Variants in COX7B2 observed in about 807,000 individuals in gnomAD.
COX7B2 encodes cytochrome c oxidase subunit 7B2.
For missense variants in COX7B2, 109 were observed against 95.9 expected, an observed-to-expected ratio of 1.14 and a Z score of -0.57; for synonymous variants, 37 against 32.1, an observed-to-expected ratio of 1.15 and a Z score of -0.51.
chr4:46,839,167 G>GCT lies in COX7B2; in HGVS notation c.-50+5791_-50+5792dup, dbSNP rs1242787797. Among the ~76,000 whole-genome samples the GCT allele has an allele frequency of 4.5e-3, 677 of 151,994 alleles. 6 individuals carry two copies. Among genetic ancestry groups the GCT allele is most frequent in the African/African-American group, 0.016 (656 of 41,492 alleles). On this transcript the variant is annotated intron_variant, in intron 2 of 2. Coordinates refer to ENST00000355591, the MANE Select transcript of COX7B2 (RefSeq NM_130902.3). ...CCAGAGTAGAGCAGCCTATTTTTGTGCTCTCTTGAGGAGACTTGTTCCCTA... is the reference window on the plus strand; with the variant it reads ...CCAGAGTAGAGCAGCCTATTTTTGTGCTCTCTCTTGAGGAGACTTGTTCCCTA...
intron 2 of COX7B2, among the ~76,000 whole-genome samples, chr4:46,813,114 G>A (rs1468498253): frequency 6.6e-6 from 1 of 152,180 alleles, no homozygotes; most frequent in Non-Finnish European, 1.5e-5. Flanking sequence ...CAACTGGGAT[G>A]GGGATAAAAG....
At chr4:46,868,491 T>TTTGA (rs1291411552) in intron 1 of COX7B2, among the ~76,000 whole-genome samples, 1 of 152,172 alleles carries the variant, frequency 6.6e-6, no homozygotes, top group African/African-American at 2.4e-5. Flanking sequence ...TATCTAACTT[T>TTTGA]TTGATGTGGG....
intron 2 of COX7B2, among the ~76,000 whole-genome samples, chr4:46,748,514 A>T (rs1209598259): frequency 6.6e-6 from 1 of 152,144 alleles, no homozygotes; most frequent in East Asian, 1.9e-4. Flanking sequence ...ACTATTCAAA[A>T]AACCTTGGCC....
intron 1 of COX7B2, among the ~76,000 whole-genome samples, chr4:46,881,600 TA>T (rs202144834): frequency 3.1e-3 from 452 of 145,714 alleles, no homozygotes; most frequent in African/African-American, 9.3e-3. Flanking sequence ...TCATCTCTAA[TA>T]AAAAAAAAAA....
intron 2 of COX7B2, among the ~76,000 whole-genome samples, chr4:46,836,808 T>C (rs1272820975): frequency 6.6e-6 from 1 of 152,090 alleles, no homozygotes. Flanking sequence ...TTATGACTGT[T>C]ACAATGTCAC....
At chr4:46,774,522 CTATCTTATCTATA>C (rs1717049819) in intron 2 of COX7B2, among the ~76,000 whole-genome samples, 1 of 152,050 alleles carries the variant, frequency 6.6e-6, no homozygotes, top group African/African-American at 2.4e-5. Context: ...AAAGTGATAT[CTATCTTATCTATA>C]TATCATTGGT....
At chr4:46,755,586 A>G (rs894285206) in intron 2 of COX7B2, among the ~76,000 whole-genome samples, 1 of 152,076 alleles carries the variant, frequency 6.6e-6, no homozygotes, top group Non-Finnish European at 1.5e-5. Flanking sequence ...CCACCAAAAA[A>G]TTCTCAGATT....
At chr4:46,841,775 T>C (rs1049913827) in intron 2 of COX7B2, among the ~76,000 whole-genome samples, 2 of 151,972 alleles carry the variant, frequency 1.3e-5, no homozygotes, top group Non-Finnish European at 2.9e-5. Flanking sequence ...ATGAGCTACT[T>C]AGTAGCCTTC....
chr4:46,857,033 C>T (rs1298369441), intron 1 of COX7B2, among the ~76,000 whole-genome samples: 1 of 152,130 alleles, frequency 6.6e-6, no homozygotes, highest in African/African-American at 2.4e-5. Flanking sequence ...AAACTAAAAA[C>T]TTTGCCATTA....
intron 1 of COX7B2, among the ~76,000 whole-genome samples, chr4:46,873,055 G>A (rs1718099792): frequency 7.1e-6 from 1 of 141,378 alleles, no homozygotes; most frequent in East Asian, 2.1e-4. Context: ...TCCCACTTAT[G>A]AGTGAGAACA....
intron 2 of COX7B2, among the ~76,000 whole-genome samples, chr4:46,780,001 T>C (rs891141809): frequency 3.9e-5 from 6 of 152,228 alleles, no homozygotes; most frequent in African/African-American, 1.2e-4. Context: ...ACATGTTAAT[T>C]TGTGTGACTG....
At chr4:46,736,823 G>C (rs542346299) in intron 2 of COX7B2, among the ~76,000 whole-genome samples, 11 of 151,986 alleles carry the variant, frequency 7.2e-5, no homozygotes, top group Non-Finnish European at 1.3e-4. Context: ...ATATTCCACT[G>C]TCTGGATGCA....
At chr4:46,860,870 T>C (rs560832151) in intron 1 of COX7B2, among the ~76,000 whole-genome samples, 1 of 152,250 alleles carries the variant, frequency 6.6e-6, no homozygotes, top group Admixed American at 6.5e-5. Context: ...AGAGTCACAT[T>C]GTTCTTTGGC....
chr4:46,897,984 ACT>A (rs879830872), intron 1 of COX7B2, among the ~76,000 whole-genome samples: 4 of 151,400 alleles, frequency 2.6e-5, no homozygotes, highest in Non-Finnish European at 5.9e-5. Flanking sequence ...TCTCCTTCTA[ACT>A]CTCTATGGGC....
At position 46,754,697 on chromosome 4, in the gene COX7B2, CGTGTGTGT is replaced by C. The variant is rs367614632; in HGVS notation, c.-49-19464_-49-19457del. 2.7e-4 allele frequency among the ~76,000 whole-genome samples: 20 copies of C among 73,826 alleles called. 1 individual carries two copies. The South Asian group carries it at 6.4e-3, about 23-fold the overall frequency. 48.4% of individuals were successfully genotyped at this position (73,826 alleles called of 152,430 possible). On this transcript the variant is annotated intron_variant, in intron 2 of 2. Transcript: ENST00000355591. ...CTAGAACTTAAAGTACAATAAAATACGTGTGTGTGTGTGTGTGTGTGTGTGTGTGTGTA... is the reference window on the plus strand; with the variant it reads ...CTAGAACTTAAAGTACAATAAAATACGTGTGTGTGTGTGTGTGTGTGTGTA...
chr4:46,757,183 T>C (rs953553260), intron 2 of COX7B2, among the ~76,000 whole-genome samples: 2 of 152,002 alleles, frequency 1.3e-5, no homozygotes, highest in African/African-American at 4.8e-5. Context: ...CTGGAGACCA[T>C]TATCCTCAGT....
rs545744583 is a variant in COX7B2, at chr4:46,782,605, G to C, written c.-49-47364C>G. Among the ~76,000 whole-genome samples the C allele has an allele frequency of 7.9e-5, 12 of 152,292 alleles. No homozygotes were observed. In the South Asian group the frequency reaches 2.5e-3, roughly 32 times the overall value. On this transcript the variant is annotated intron_variant, in intron 2 of 2. Transcript: ENST00000355591. ...TCTCCTTCCAGGCTGTGGAAGCTTT[G>C]TTCTTTTGCTCTTCACAATAAATCT...
chr4:46,845,247 G>A (rs1003313466), intron 1 of COX7B2, among the ~76,000 whole-genome samples: 3 of 151,968 alleles, frequency 2.0e-5, no homozygotes, highest in African/African-American at 7.2e-5. Context: ...TAGTGGTAGA[G>A]AATGAGTCTT....
At chr4:46,873,195 G>A (rs796875795) in intron 1 of COX7B2, among the ~76,000 whole-genome samples, 37 of 152,114 alleles carry the variant, frequency 2.4e-4, no homozygotes, top group African/African-American at 8.0e-4. Context: ...GTGTATATGT[G>A]CCCATATTTT....
Sources: gnomAD v4.1 joint callset for allele counts (sites outside exome capture counted in the v4.1 genomes callset) on GRCh38, gnomAD v4.1.1 for gene constraint, MANE v1.5 for transcripts, NCBI Gene and HGNC (gene_info 2026-07-23, HGNC 2026-07-21) for gene names.